Variants in KCTD21 observed in about 807,000 individuals in gnomAD.
The protein encoded by KCTD21 is potassium channel tetramerization domain containing 21.
In KCTD21, 9 loss-of-function variants were observed where a neutral mutation model predicts 13.2. That is an observed-to-expected ratio of 0.68 (90% CI 0.41 to 1.19). The LOEUF (loss-of-function observed/expected upper bound fraction) is 1.19, where lower values mean the gene tolerates loss of function less well. KCTD21 is among the 50% of genes most tolerant of loss of function. The pLI is 0.01. For synonymous variants in KCTD21, 142 were observed against 137.4 expected, an observed-to-expected ratio of 1.03 and a Z score of -0.23; for missense variants, 303 against 336.5, an observed-to-expected ratio of 0.90 and a Z score of 0.78.
intron 1 of KCTD21, 34 bp from the exon 2 acceptor site, chr11:78,174,617 C>A: frequency 6.9e-7 from 1 of 1,453,872 alleles, no homozygotes; most frequent in South Asian, 1.3e-5. Context: ...ATGACTATAA[C>A]CAAACCTTAT....
At chr11:78,187,747 T>G (rs918152351) in intron 1 of KCTD21, 1 of 985,210 alleles carries the variant, frequency 1.0e-6, no homozygotes, top group Non-Finnish European at 1.2e-6. Context: ...TTCGGAAGGG[T>G]TGGGGGGACT....
intron 1 of KCTD21, among the ~76,000 whole-genome samples, chr11:78,182,866 C>G (rs1862669862): frequency 6.6e-6 from 1 of 152,182 alleles, no homozygotes; most frequent in East Asian, 1.9e-4. Flanking sequence ...CTTTTCTGTG[C>G]AATTTCCTTT....
At chr11:78,188,347 T>TTGCTCTCCCAACAGCCCC (rs1862876359) in intron 1 of KCTD21, 5 of 980,904 alleles carry the variant, frequency 5.1e-6, no homozygotes, top group Non-Finnish European at 6.0e-6. Flanking sequence ...CCATCCGCCC[T>TTGCTCTCCCAACAGCCCC]TGCTCTCCCA....
chr11:78,188,596 C>T lies in KCTD21; in HGVS notation c.-53G>A, dbSNP rs1020441334. On this transcript the variant is annotated 5_prime_UTR_variant, in exon 1 of 2. Coordinates refer to ENST00000340067, the MANE Select transcript of KCTD21 (RefSeq NM_001029859.3). ...ACCTCCTGCCCTCGCTCTGCAGCCT[C>T]TCCCTCCGCGAGCGGCCAGCGCAGC... 1 of 985,458 alleles carries T rather than the reference C, an allele frequency of 1.0e-6. No individual in the cohort carries two copies. The highest frequency in any genetic ancestry group is 1.7e-5 in the African/African-American group (1 of 57,256). 61.0% of individuals were successfully genotyped at this position (985,458 alleles called of 1,614,324 possible).
chr11:78,187,266 C>T lies in KCTD21; in HGVS notation c.-30+1307G>A, dbSNP rs1332103661. On this transcript the variant is annotated intron_variant, in intron 1 of 1. Coordinates refer to ENST00000340067, the MANE Select transcript of KCTD21 (RefSeq NM_001029859.3). ...CCCTAGGACGACTACCCTTTCTTCA[C>T]CTCCTCTTCCTGACCACCCCACATC... The T allele has an allele frequency of 3.1e-5, 30 of 982,072 alleles. No individual in the cohort carries two copies. The Admixed American group carries it at 1.7e-3, about 55-fold the overall frequency. 60.8% of individuals were successfully genotyped at this position (982,072 alleles called of 1,614,324 possible).
chr11:78,188,401 C>A (rs1198618497), intron 1 of KCTD21, 172 bp downstream of exon 1: 3 of 985,662 alleles, frequency 3.0e-6, no homozygotes, highest in Non-Finnish European at 3.6e-6. Flanking sequence ...CGGCTCACCT[C>A]GCTCCGAAAC....
intron 1 of KCTD21, chr11:78,187,066 G>A (rs1318384549): frequency 1.0e-6 from 1 of 985,310 alleles, no homozygotes; most frequent in African/African-American, 1.7e-5. Context: ...TGACAAGGCC[G>A]AGGTGATTAC....
intron 1 of KCTD21, among the ~76,000 whole-genome samples, chr11:78,182,718 T>C (rs558183900): frequency 1.3e-3 from 195 of 152,304 alleles, no homozygotes; most frequent in African/African-American, 4.5e-3. Context: ...CTCAGAGTCA[T>C]GGCCTCTGGG....
At chr11:78,181,731 A>G (rs1862626584) in intron 1 of KCTD21, among the ~76,000 whole-genome samples, 1 of 152,114 alleles carries the variant, frequency 6.6e-6, no homozygotes, top group Admixed American at 6.6e-5. Context: ...GGGTCACTTG[A>G]GCCCAGGAGT....
rs764476656 is a variant in KCTD21 at position 78,174,566 on chromosome 11, G to C, written c.-12C>G. The C allele has an allele frequency of 3.7e-6, 6 of 1,601,268 alleles. No homozygotes were observed. The Admixed American group carries it at 8.7e-5, about 23-fold the overall frequency. ...ATGGGGTCGGACATGGCAGGAGACT[G>C]GGTTGCTGGAAGTAGTCCTGGAGAG... On this transcript the variant is annotated 5_prime_UTR_variant, in exon 2 of 2. Transcript: ENST00000340067.
At chr11:78,174,663 T>C in intron 1 of KCTD21, 80 bp from the exon 2 acceptor site, 1 of 960,306 alleles carries the variant, frequency 1.0e-6, no homozygotes. Context: ...TTATTGTACA[T>C]CAAGCCTATG....
At chr11:78,179,532 T>C (rs923635773) in intron 1 of KCTD21, among the ~76,000 whole-genome samples, 6 of 152,034 alleles carry the variant, frequency 3.9e-5, no homozygotes, top group Non-Finnish European at 7.4e-5. Flanking sequence ...CCCATCCCTA[T>C]AGCTACTCCC....
At chr11:78,187,378 G>A (rs941788150) in intron 1 of KCTD21, 196 of 985,260 alleles carry the variant, frequency 2.0e-4, no homozygotes, top group Non-Finnish European at 2.3e-4. Context: ...AACCCATAGG[G>A]AGGAGAGAAA....
At position 78,172,646 on chromosome 11, in the gene KCTD21, T is replaced by C. The variant is rs560823251; in HGVS notation, c.*1126A>G. ...TGTCTGGTCTCTCAAGGTGACTATT[T>C]TGAAAGCAAAGATATATAACTGGGT... On this transcript the variant is annotated 3_prime_UTR_variant, in exon 2 of 2. Transcript: ENST00000340067. 7 of 152,278 alleles carry C rather than the reference T, an allele frequency of 4.6e-5. No individual in the cohort carries two copies. The highest frequency in any genetic ancestry group is 1.7e-4 in the African/African-American group (7 of 41,548). The allele number at this position is 152,278 out of a possible 1,614,324, so 9.4% of individuals were successfully genotyped here. A position where few individuals can be genotyped will look rare whatever the true frequency, so the allele number is the denominator to read the frequency against.
chr11:78,175,527 G>T (rs910579514), intron 1 of KCTD21, among the ~76,000 whole-genome samples: 1 of 152,052 alleles, frequency 6.6e-6, no homozygotes, highest in Non-Finnish European at 1.5e-5. Context: ...TCGGTTCTAA[G>T]TACTCAACAA....
At chr11:78,181,132 C>T (rs992741812) in intron 1 of KCTD21, among the ~76,000 whole-genome samples, 1 of 152,154 alleles carries the variant, frequency 6.6e-6, no homozygotes, top group African/African-American at 2.4e-5. Context: ...TGGACTAATA[C>T]AGCATACAAT....
At chr11:78,176,408 C>G (rs1397745068) in intron 1 of KCTD21, 2 of 152,276 alleles carry the variant, frequency 1.3e-5, no homozygotes, top group East Asian at 1.9e-4. Context: ...ACAAAGCCCC[C>G]CTAATCTCTC....
chr11:78,187,536 C>T (rs1317255556), intron 1 of KCTD21: 2 of 985,296 alleles, frequency 2.0e-6, no homozygotes. Context: ...CTACCATCCC[C>T]CAGCCCCTTC....
At position 78,173,824 on chromosome 11, in the gene KCTD21, T is replaced by C; in HGVS notation, c.731A>G (p.His244Arg). The change falls in exon 2 of 2, where the codon CAT (histidine) becomes CGT (arginine). Residue 244 changes from histidine (H) to arginine (R), a missense_variant. Physicochemically the swap from His to Arg is conservative, Grantham distance 29. Transcript: ENST00000340067. The part of the protein sequence containing the change: ...DGFCIDSSHP[H>R]ALDFMNNKII... Reference sequence around the variant, plus strand: ...CTTATTGTTCATAAAATCCAGAGCATGTGGGTGAGAAGAATCGATGCAGAA... The same window carrying C: ...CTTATTGTTCATAAAATCCAGAGCACGTGGGTGAGAAGAATCGATGCAGAA... The C allele has an allele frequency of 6.2e-7, 1 of 1,614,086 alleles. No homozygotes were observed. The highest frequency in any genetic ancestry group is 8.5e-7 in the Non-Finnish European group (1 of 1,180,010).
Sources: allele counts gnomAD v4.1 joint callset (sites outside exome capture counted in the v4.1 genomes callset), GRCh38; gene constraint gnomAD v4.1.1; transcripts MANE v1.5; gene names NCBI Gene and HGNC (gene_info 2026-07-23, HGNC 2026-07-21).